The following RPN1 variants were observed in gnomAD, a reference collection of about 807,000 sequenced individuals.
RPN1 encodes ribophorin I, also known as dolichyl-diphosphooligosaccharide--protein glycosyltransferase subunit 1.
In RPN1, 12 loss-of-function variants were observed where a neutral mutation model predicts 55.5. That is an observed-to-expected ratio of 0.22 (90% CI 0.14 to 0.35). The LOEUF (loss-of-function observed/expected upper bound fraction) is 0.35. Among genes scored for constraint, RPN1 ranks in the 10% least tolerant of loss-of-function variants. The pLI, the probability that RPN1 is intolerant of heterozygous loss-of-function variation, is 1.00. For missense variants in RPN1, 679 were observed against 761.3 expected (o/e 0.89, Z 1.27); for synonymous variants, 317 against 305.9 (o/e 1.04, Z -0.38).
At chr3:128,628,296 A>G (rs1342088244) in intron 5 of RPN1, among the ~76,000 whole-genome samples, 3 of 150,428 alleles carry the variant, frequency 2.0e-5, no homozygotes, top group Admixed American at 1.3e-4. Context: ...GTGAGACAGA[A>G]AAAAAAAAAA....
chr3:128,623,568 G>A (rs2069576017), intron 8 of RPN1, among the ~76,000 whole-genome samples: 1 of 152,022 alleles, frequency 6.6e-6, no homozygotes, highest in African/African-American at 2.4e-5. Flanking sequence ...AATTAGCTGG[G>A]CATGATGGTA....
intron 3 of RPN1, among the ~76,000 whole-genome samples, chr3:128,634,227 C>T (rs1486231755): frequency 2.6e-5 from 4 of 151,246 alleles, no homozygotes; most frequent in Non-Finnish European, 5.9e-5. Context: ...ACTGGGGAGG[C>T]TGAGGTGGGA....
chr3:128,632,025 C>T lies in RPN1; in HGVS notation c.766G>A (p.Val256Met). Residue 256 changes from valine to methionine, a missense_variant, in exon 4 of 10, where the codon GTG becomes ATG. Coordinates refer to ENST00000296255, the MANE Select transcript of RPN1 (RefSeq NM_002950.4). ...TAGCGTGAGAAAGGCCCCTTAAGCA[C>T]AGCTCCTGTGTGCTTTAAGTCCACA... is the stretch of plus-strand genomic sequence containing the variant. ...ENVDLKHTGA[V>M]LKGPFSRYDY... is the part of the protein sequence containing the mutation. The T allele has an allele frequency of 6.2e-7, 1 of 1,614,192 alleles. No individual in the cohort carries two copies. The highest frequency in any genetic ancestry group is 8.5e-7 in the Non-Finnish European group (1 of 1,180,042).
chr3:128,631,654 A>C (rs1280976883), intron 4 of RPN1, among the ~76,000 whole-genome samples: 1 of 152,142 alleles, frequency 6.6e-6, no homozygotes, highest in Non-Finnish European at 1.5e-5. Context: ...AGGCAGAAGA[A>C]TCACTTGAAC....
chr3:128,632,844 C>T (rs916910479), intron 3 of RPN1, among the ~76,000 whole-genome samples: 3 of 152,210 alleles, frequency 2.0e-5, no homozygotes, highest in African/African-American at 7.2e-5. Flanking sequence ...ATCTGCCCAC[C>T]TTGGCCTACC....
intron 1 of RPN1, 73 bp downstream of exon 1, chr3:128,650,467 G>A: frequency 7.0e-7 from 1 of 1,418,458 alleles, no homozygotes; most frequent in East Asian, 2.5e-5. Flanking sequence ...GGGCGCGGGC[G>A]GAGTCGGGGG....
In RPN1 at chr3:128,644,903, T is replaced by C. The variant is rs745524777; in HGVS notation, c.326+16A>G. 7 of 1,396,422 alleles carry C rather than the reference T, an allele frequency of 5.0e-6. No individual in the cohort carries two copies. Among genetic ancestry groups the C allele is most frequent in the South Asian group, 3.5e-5 (3 of 86,554 alleles). The allele number at this position is 1,396,422 out of a possible 1,614,324, so 86.5% of individuals were successfully genotyped here. On this transcript the variant is annotated intron_variant, in intron 2 of 9. Coordinates refer to ENST00000296255, the MANE Select transcript of RPN1 (RefSeq NM_002950.4). ...AACCTTTAACAAGAGACAAGGTATATTGTTTGTCAGCTTACCTTTTACCCT... is the reference window on the plus strand; with the variant it reads ...AACCTTTAACAAGAGACAAGGTATACTGTTTGTCAGCTTACCTTTTACCCT...
rs2069792732 is a variant in RPN1, at chr3:128,649,084, CAAACT to C, written c.261+1451_261+1455del. On this transcript the variant is annotated intron_variant, in intron 1 of 9. Transcript: ENST00000296255. ...GAAAGTATCTTACCACAGAAACAAA[CAAACT>C]AAAGGACAAAAGGAAACTTCTGGAG... Among the ~76,000 whole-genome samples the C allele has an allele frequency of 2.0e-5, 3 of 152,158 alleles. No individual in the cohort carries two copies. The South Asian group carries it at 6.2e-4, about 32-fold the overall frequency.
Position 128,650,737 on chromosome 3 carries a change from C to G in RPN1, c.64G>C (p.Gly22Arg), listed in dbSNP as rs966631320. The G allele has an allele frequency of 3.8e-5, 59 of 1,552,332 alleles. No homozygotes were observed. Among genetic ancestry groups the G allele is most frequent in the Non-Finnish European group, 4.8e-5 (55 of 1,148,046 alleles). The change falls in exon 1 of 10, where the codon GGC becomes CGC. Residue 22 changes from glycine (G) to arginine (R), a missense_variant. Transcript: ENST00000296255. The stretch of plus-strand genomic sequence containing the variant: ...GGCGGTGCCTCGGAGGAGGCGCTGC[C>G]CGGCGCCGGGGCCCAAGTCCCAAGC... The part of the protein sequence containing the change: ...LLLGTWAPAP[G>R]SASSEAPPLI...
intron 5 of RPN1, 81 bp from the exon 6 acceptor site, chr3:128,626,913 T>C: frequency 7.6e-7 from 1 of 1,310,074 alleles, no homozygotes; most frequent in South Asian, 1.2e-5. Flanking sequence ...GGGGCTCACA[T>C]AAAGACAGAG....
At chr3:128,640,293 G>A in intron 2 of RPN1, among the ~76,000 whole-genome samples, 1 of 152,190 alleles carries the variant, frequency 6.6e-6, no homozygotes, top group East Asian at 1.9e-4. Context: ...GAAACCACTA[G>A]TGAAAAATTG....
intron 1 of RPN1, among the ~76,000 whole-genome samples, chr3:128,650,157 G>A (rs1051347321): frequency 3.9e-5 from 6 of 152,222 alleles, no homozygotes; most frequent in Admixed American, 3.9e-4. Flanking sequence ...CTCGCCTTAC[G>A]GAAGGGAGGT....
In RPN1 at chr3:128,623,960, C is replaced by A. The variant is rs565968815; in HGVS notation, c.1396-1551G>T. On this transcript the variant is annotated intron_variant, in intron 8 of 9. Coordinates refer to ENST00000296255, the MANE Select transcript of RPN1 (RefSeq NM_002950.4). Reference sequence around the variant, plus strand: ...GGGTAAAGGGGCACAACGTCTGCAACTTAACCTCCAATGATTCAGCAGAAA... The same window carrying A: ...GGGTAAAGGGGCACAACGTCTGCAAATTAACCTCCAATGATTCAGCAGAAA... 2.0e-5 allele frequency among the ~76,000 whole-genome samples: 3 copies of A among 152,122 alleles called. No homozygotes were observed. The South Asian group carries it at 6.2e-4, about 32-fold the overall frequency.
At chr3:128,633,959 G>A (rs2069659434) in intron 3 of RPN1, among the ~76,000 whole-genome samples, 1 of 152,010 alleles carries the variant, frequency 6.6e-6, no homozygotes, top group African/African-American at 2.4e-5. Flanking sequence ...CTCCAGCCTG[G>A]GCAACAGAGC....
At position 128,625,762 on chromosome 3, in the gene RPN1, G is replaced by A. The variant is rs938733162; in HGVS notation, c.1276-109C>T. 40 of 1,566,278 alleles carry A rather than the reference G, an allele frequency of 2.6e-5. No homozygotes were observed. The Admixed American group carries it at 5.9e-4, about 23-fold the overall frequency. On this transcript the variant is annotated intron_variant, in intron 7 of 9. Transcript: ENST00000296255. ...CTGCCCCACCCCAAGACCAGAAGAC[G>A]CCATGAGCTCAAATGACTCCAGCCC...
chr3:128,644,263 C>T lies in RPN1; in HGVS notation c.326+656G>A, dbSNP rs548268173. On this transcript the variant is annotated intron_variant, in intron 2 of 9. Transcript: ENST00000296255. ...CTTCCTATAAAACAAACTGCCACTG[C>T]TTAGGGGAATCCAATTTCAGCATTA... Among the ~76,000 whole-genome samples the T allele has an allele frequency of 1.2e-4, 18 of 152,232 alleles. No individual in the cohort carries two copies. In the East Asian group the frequency reaches 2.1e-3, roughly 18 times the overall value.
intron 5 of RPN1, 99 bp from the exon 6 acceptor site, chr3:128,626,931 A>C: frequency 9.0e-7 from 1 of 1,111,460 alleles, no homozygotes; most frequent in Non-Finnish European, 1.3e-6. Flanking sequence ...GAGCAAGTAG[A>C]CAGCAAAACC....
chr3:128,635,636 T>G (rs79447123), intron 3 of RPN1, among the ~76,000 whole-genome samples: 8,680 of 52,066 alleles, frequency 0.17, 403 homozygotes, highest in Non-Finnish European at 0.19. Flanking sequence ...TATATATATA[T>G]ATAGATATAT....
intron 3 of RPN1, among the ~76,000 whole-genome samples, chr3:128,633,243 T>C (rs1285463798): frequency 6.6e-6 from 1 of 151,610 alleles, no homozygotes; most frequent in African/African-American, 2.4e-5. Flanking sequence ...TTTTTTTAAA[T>C]TATAAACGGT....
Sources: gnomAD v4.1 joint callset for allele counts (sites outside exome capture counted in the v4.1 genomes callset) on GRCh38, gnomAD v4.1.1 for gene constraint, MANE v1.5 for transcripts, NCBI Gene and HGNC (gene_info 2026-07-23, HGNC 2026-07-21) for gene names.